NT5C3A: variants seen among roughly 807,000 people sequenced by gnomAD.
NT5C3A encodes cytosolic 5'-nucleotidase 3A.
A neutral mutation model predicts 40.0 loss-of-function variants in NT5C3A; 23 were observed. The observed-to-expected ratio is 0.58, with a 90% confidence interval of 0.41 to 0.81. The LOEUF (loss-of-function observed/expected upper bound fraction) is 0.81. Among genes scored for constraint, NT5C3A ranks in the 40% least tolerant of loss-of-function variants. The pLI is 0.00. For synonymous variants in NT5C3A, 130 were observed against 141.4 expected, an observed-to-expected ratio of 0.92 and a Z score of 0.57; for missense variants, 328 against 403.0, an observed-to-expected ratio of 0.81 and a Z score of 1.59.
rs149839373 is a variant in NT5C3A at position 33,035,940 on chromosome 7, C to A, written c.139-9025G>T. The A allele has an allele frequency of 2.9e-5, 47 of 1,612,868 alleles. No homozygotes were observed. In the African/African-American group the frequency reaches 5.5e-4, roughly 19 times the overall value. ...GAAATAGGCAAATACCCACCATTTT[C>A]ACATGTACGGCAGACTCTTGATTAG... On this transcript the variant is annotated intron_variant, in intron 1 of 8. Coordinates refer to ENST00000610140, the MANE Select transcript of NT5C3A (RefSeq NM_001002010.5).
rs966248252 is a variant in NT5C3A at position 33,021,964 on chromosome 7, T to C, written c.354+89A>G. On this transcript the variant is annotated intron_variant, in intron 4 of 8. Coordinates refer to ENST00000610140, the MANE Select transcript of NT5C3A (RefSeq NM_001002010.5). ...ATGGCTGTAAGCACTTTACATCCATTCTTACTTCTGTGAATGCACCTGAAG... is the reference window on the plus strand; with the variant it reads ...ATGGCTGTAAGCACTTTACATCCATCCTTACTTCTGTGAATGCACCTGAAG... 3 of 778,694 alleles carry C rather than the reference T, an allele frequency of 3.9e-6. No homozygotes were observed. In the African/African-American group the frequency reaches 5.1e-5, roughly 13 times the overall value. 48.2% of individuals were successfully genotyped at this position (778,694 alleles called of 1,614,324 possible). A position where few individuals can be genotyped will look rare whatever the true frequency, so the allele number is the denominator to read the frequency against.
chr7:33,024,408 T>C (rs1785803046), intron 2 of NT5C3A, among the ~76,000 whole-genome samples: 1 of 152,214 alleles, frequency 6.6e-6, no homozygotes, highest in Non-Finnish European at 1.5e-5. Context: ...TGCAGCAACA[T>C]GGGCGAGCCT....
At chr7:33,025,375 T>A (rs967467458) in intron 2 of NT5C3A, among the ~76,000 whole-genome samples, 29 of 152,200 alleles carry the variant, frequency 1.9e-4, no homozygotes, top group Non-Finnish European at 4.3e-4. Context: ...TACCAATGAA[T>A]GAATGCACAT....
At chr7:33,018,121 G>A (rs1008818375) in intron 6 of NT5C3A, among the ~76,000 whole-genome samples, 10 of 152,350 alleles carry the variant, frequency 6.6e-5, no homozygotes, top group East Asian at 1.9e-4. Context: ...GAGTCCCATA[G>A]TGGGCCTATC....
chr7:33,044,361 T>C (rs1370535573), intron 1 of NT5C3A, among the ~76,000 whole-genome samples: 1 of 148,962 alleles, frequency 6.7e-6, no homozygotes, highest in Non-Finnish European at 1.5e-5. Context: ...ACACTGAATG[T>C]TGTTTCTAAT....
intron 2 of NT5C3A, among the ~76,000 whole-genome samples, chr7:33,025,139 G>GA (rs1179463068): frequency 7.3e-5 from 11 of 151,576 alleles, no homozygotes; most frequent in Admixed American, 5.9e-4. Context: ...ACTCCATCTC[G>GA]AAAAAATAAA....
At chr7:33,035,994 T>G in intron 1 of NT5C3A, 1 of 1,612,332 alleles carries the variant, frequency 6.2e-7, no homozygotes. Flanking sequence ...ATCTTCTGGA[T>G]TTTCCCAGGT....
In NT5C3A at chr7:33,041,129, G is replaced by A. The variant is rs180689916; in HGVS notation, c.139-14214C>T. 3 of 984,952 alleles carry A rather than the reference G, an allele frequency of 3.0e-6. No homozygotes were observed. The Admixed American group carries it at 1.8e-4, about 61-fold the overall frequency. 61.0% of individuals were successfully genotyped at this position (984,952 alleles called of 1,614,324 possible). On this transcript the variant is annotated intron_variant, in intron 1 of 8. Transcript: ENST00000610140. ...TGACGATTAAAGAGAAGGTAAATCT[G>A]TACTATTAGAACTGGCAACTGGCTC...
intron 1 of NT5C3A, among the ~76,000 whole-genome samples, chr7:33,031,267 T>G (rs1016654129): frequency 6.6e-6 from 1 of 152,016 alleles, no homozygotes; most frequent in African/African-American, 2.4e-5. Context: ...TTGAACTAGA[T>G]TTCAAATTAT....
intron 1 of NT5C3A, among the ~76,000 whole-genome samples, chr7:33,034,425 T>C (rs1335266599): frequency 1.3e-5 from 2 of 152,110 alleles, no homozygotes; most frequent in Non-Finnish European, 2.9e-5. Flanking sequence ...CCTATACTGC[T>C]TGTGTTCACG....
At chr7:33,021,207 A>G in intron 5 of NT5C3A, 65 bp downstream of exon 5, 1 of 1,595,434 alleles carries the variant, frequency 6.3e-7, no homozygotes, top group Non-Finnish European at 8.5e-7. Context: ...ATAAGCCATC[A>G]GTTGTAACTG....
intron 1 of NT5C3A, chr7:33,029,664 G>A: frequency 7.8e-7 from 1 of 1,289,948 alleles, no homozygotes; most frequent in South Asian, 1.2e-5. Context: ...TTTGATAACG[G>A]ATAGGAGAAT....
chr7:33,039,802 A>C (rs1421251195), intron 1 of NT5C3A, among the ~76,000 whole-genome samples: 1 of 152,042 alleles, frequency 6.6e-6, no homozygotes, highest in African/African-American at 2.4e-5. Context: ...GGGGTAGAAG[A>C]GATATAGGAG....
chr7:33,042,061 G>C lies in NT5C3A; in HGVS notation c.139-15146C>G, dbSNP rs537864073. Among the ~76,000 whole-genome samples, 5 of 152,300 alleles carry C rather than the reference G, an allele frequency of 3.3e-5. 1 individual carries two copies. The South Asian group carries it at 1.0e-3, about 32-fold the overall frequency. On this transcript the variant is annotated intron_variant, in intron 1 of 8. Transcript: ENST00000610140. ...GGTGTTAAAAAACTATCCAGGCTGGGTGTGGTGGCTCATGCCTGTAATCCC... is the reference window on the plus strand; with the variant it reads ...GGTGTTAAAAAACTATCCAGGCTGGCTGTGGTGGCTCATGCCTGTAATCCC...
intron 1 of NT5C3A, among the ~76,000 whole-genome samples, chr7:33,034,587 G>T (rs1371103332): frequency 6.6e-6 from 1 of 152,166 alleles, no homozygotes. Flanking sequence ...ATATAAAACT[G>T]GCAATACTGG....
intron 1 of NT5C3A, among the ~76,000 whole-genome samples, chr7:33,039,182 C>T (rs1432617934): frequency 6.6e-6 from 1 of 151,826 alleles, no homozygotes; most frequent in Non-Finnish European, 1.5e-5. Context: ...TGATAGTTTA[C>T]AAGTCAATTA....
At chr7:33,046,792 T>G (rs571320467) in intron 1 of NT5C3A, among the ~76,000 whole-genome samples, 1 of 151,284 alleles carries the variant, frequency 6.6e-6, no homozygotes, top group Non-Finnish European at 1.5e-5. Flanking sequence ...TATTTCAAGA[T>G]GCTTAGCACT....
At chr7:33,038,702 G>A (rs1184322259) in intron 1 of NT5C3A, 3 of 362,506 alleles carry the variant, frequency 8.3e-6, no homozygotes, top group African/African-American at 2.1e-5. Flanking sequence ...AAAGACTCAG[G>A]TGTAAAATGT....
intron 1 of NT5C3A, among the ~76,000 whole-genome samples, chr7:33,030,333 T>C (rs578084669): frequency 1.3e-5 from 2 of 152,354 alleles, no homozygotes; most frequent in African/African-American, 4.8e-5. Context: ...TCACATACTT[T>C]TGTTACCTCC....
Sources: gnomAD v4.1 joint callset for allele counts (sites outside exome capture counted in the v4.1 genomes callset) on GRCh38, gnomAD v4.1.1 for gene constraint, MANE v1.5 for transcripts, NCBI Gene and HGNC (gene_info 2026-07-23, HGNC 2026-07-21) for gene names.